SIPA1L2: variants seen among roughly 807,000 people sequenced by gnomAD.
SIPA1L2 encodes the protein signal-induced proliferation-associated 1-like protein 2.
SIPA1L2 carries 56 observed loss-of-function variants against 163.9 expected under a neutral mutation model. The observed-to-expected ratio is 0.34, with a 90% CI of 0.28 to 0.43. The LOEUF (loss-of-function observed/expected upper bound fraction) is 0.43, where lower values mean the gene tolerates loss of function less well. Ranked by LOEUF, SIPA1L2 falls within the 20% of genes least tolerant of loss-of-function variation. The pLI, the probability that SIPA1L2 is intolerant of heterozygous loss-of-function variation, is 1.00. For synonymous variants in SIPA1L2, 877 were observed against 865.7 expected, an observed-to-expected ratio of 1.01 and a Z score of -0.23; for missense variants, 1,974 against 2,193.5, an observed-to-expected ratio of 0.90 and a Z score of 2.00.
chr1:232,533,720 A>G (rs769451917), intron 2 of SIPA1L2, among the ~76,000 whole-genome samples: 14 of 152,212 alleles, frequency 9.2e-5, no homozygotes, highest in Non-Finnish European at 1.8e-4. Flanking sequence ...CCCTTGATAC[A>G]CAACTTAGAG....
At chr1:232,492,232 T>C (rs1013562034) in intron 4 of SIPA1L2, among the ~76,000 whole-genome samples, 2 of 152,186 alleles carry the variant, frequency 1.3e-5, no homozygotes, top group African/African-American at 4.8e-5. Context: ...TTCTCTGATC[T>C]AGAAGCAGTT....
intron 9 of SIPA1L2, among the ~76,000 whole-genome samples, chr1:232,463,492 T>C (rs569615748): frequency 6.6e-6 from 1 of 152,336 alleles, no homozygotes; most frequent in Non-Finnish European, 1.5e-5. Context: ...TAAAATATAT[T>C]TGTAATATTG....
At position 232,465,453 on chromosome 1, in the gene SIPA1L2, T is replaced by G; in HGVS notation, c.2244-37A>C. On this transcript the variant is annotated intron_variant, in intron 8 of 22. Transcript: ENST00000674635. The surrounding 1 kb of genome is among the most constrained non-coding windows in gnomAD (Gnocchi z 4.1). ...AAAACAGAAACAAAATGAGATGAGC[T>G]ATGATACCATAATATGTATCTTTCC... The G allele has an allele frequency of 1.3e-6, 2 of 1,541,298 alleles. No homozygotes were observed. The highest frequency in any genetic ancestry group is 1.7e-4 in the Middle Eastern group (1 of 5,764).
At chr1:232,507,061 A>G (rs1666762275) in intron 3 of SIPA1L2, among the ~76,000 whole-genome samples, 1 of 152,116 alleles carries the variant, frequency 6.6e-6, no homozygotes, top group Non-Finnish European at 1.5e-5. Flanking sequence ...TAATGTCCAT[A>G]CTTTATTCAG....
At chr1:232,629,538 G>A (rs1663262867) in intron 1 of SIPA1L2, among the ~76,000 whole-genome samples, 1 of 152,236 alleles carries the variant, frequency 6.6e-6, no homozygotes, top group East Asian at 1.9e-4. Context: ...GCGTTAGTCA[G>A]AGCGAAGTTC....
chr1:232,629,802 C>T (rs567891869), intron 1 of SIPA1L2, among the ~76,000 whole-genome samples, 67 bp downstream of exon 1: 57 of 152,094 alleles, frequency 3.7e-4, no homozygotes, highest in African/African-American at 1.4e-3. Context: ...CGGGACAGTC[C>T]CCGCCTGGCC....
At chr1:232,553,992 A>G (rs1205705947) in intron 2 of SIPA1L2, among the ~76,000 whole-genome samples, 1 of 152,210 alleles carries the variant, frequency 6.6e-6, no homozygotes, top group Non-Finnish European at 1.5e-5. Flanking sequence ...GCAATGAGAA[A>G]TACCTAAGGC....
intron 1 of SIPA1L2, among the ~76,000 whole-genome samples, chr1:232,629,321 C>T (rs1663244635): frequency 6.6e-6 from 1 of 152,236 alleles, no homozygotes. Flanking sequence ...GGCCCAGGAG[C>T]TGGCAAAGTG....
In SIPA1L2 at chr1:232,444,728, T is replaced by C. The variant is rs551968003; in HGVS notation, c.3353+801A>G. On this transcript the variant is annotated intron_variant, in intron 11 of 22. Transcript: ENST00000674635. ...GATGTGGTTTGTCAGATGAAGAAAC[T>C]GGAGGTTCAGAGAGGATGAGTACCA... 1.1e-3 allele frequency among the ~76,000 whole-genome samples: 165 copies of C among 152,288 alleles called. 1 individual carries two copies. Among genetic ancestry groups the C allele is most frequent in the African/African-American group, 3.5e-3 (144 of 41,570 alleles).
chr1:232,439,594 A>G (rs959831949), intron 14 of SIPA1L2, 98 bp from the exon 15 acceptor site: 2 of 1,397,910 alleles, frequency 1.4e-6, no homozygotes, highest in African/African-American at 1.4e-5. Context: ...GATCGCACCC[A>G]AGCCCTTTCT....
intron 3 of SIPA1L2, among the ~76,000 whole-genome samples, chr1:232,495,429 G>A (rs1666132003): frequency 6.6e-6 from 1 of 152,066 alleles, no homozygotes; most frequent in African/African-American, 2.4e-5. Context: ...GCCAGGTGTG[G>A]TGGCAGGTGC....
intron 1 of SIPA1L2, among the ~76,000 whole-genome samples, chr1:232,628,047 C>T (rs2102900569): frequency 6.6e-6 from 1 of 152,320 alleles, no homozygotes; most frequent in Admixed American, 6.5e-5. Flanking sequence ...AAGATATTTA[C>T]TCAGCGTATA....
At chr1:232,625,534 G>C (rs1336742708) in intron 1 of SIPA1L2, among the ~76,000 whole-genome samples, 1 of 152,150 alleles carries the variant, frequency 6.6e-6, no homozygotes, top group Non-Finnish European at 1.5e-5. Context: ...GCAGGTTTTA[G>C]CGAAAAGGAA....
At chr1:232,527,507 A>G (rs1333651025) in intron 2 of SIPA1L2, among the ~76,000 whole-genome samples, 1 of 152,258 alleles carries the variant, frequency 6.6e-6, no homozygotes. Context: ...GAATGTTTCA[A>G]GTATGAACTG....
intron 2 of SIPA1L2, among the ~76,000 whole-genome samples, chr1:232,531,738 CTA>C (rs1394082830): frequency 3.3e-5 from 5 of 152,166 alleles, no homozygotes; most frequent in Non-Finnish European, 7.3e-5. Context: ...AAAGCGACTG[CTA>C]TCATGGGACA....
intron 18 of SIPA1L2, among the ~76,000 whole-genome samples, chr1:232,420,728 G>C (rs1466230875): frequency 1.3e-5 from 2 of 152,238 alleles, no homozygotes; most frequent in Non-Finnish European, 2.9e-5. Flanking sequence ...CCAGCTACTC[G>C]GGGGGCTGAG....
intron 14 of SIPA1L2, among the ~76,000 whole-genome samples, chr1:232,440,781 C>T (rs1024009676): frequency 6.6e-6 from 1 of 152,202 alleles, no homozygotes; most frequent in Non-Finnish European, 1.5e-5. Context: ...TCGAGGCTCA[C>T]CTCCCAGGGT....
At chr1:232,458,535 C>T (rs1404610164) in intron 10 of SIPA1L2, among the ~76,000 whole-genome samples, 1 of 152,110 alleles carries the variant, frequency 6.6e-6, no homozygotes, top group Non-Finnish European at 1.5e-5. Context: ...TAACAGTAAA[C>T]CAAAACTAAA....
chr1:232,441,022 A>G (rs1418364178), intron 14 of SIPA1L2, among the ~76,000 whole-genome samples: 3 of 152,278 alleles, frequency 2.0e-5, no homozygotes, highest in Admixed American at 2.0e-4. Context: ...CAGATTACAA[A>G]TGGGAACATG....
Sources: gnomAD v4.1 joint callset for allele counts (sites outside exome capture counted in the v4.1 genomes callset) on GRCh38, gnomAD v4.1.1 for gene constraint, Gnocchi (gnomAD v3.1) non-coding constraint, MANE v1.5 for transcripts, NCBI Gene and HGNC (gene_info 2026-07-23, HGNC 2026-07-21) for gene names.